Variants in MCPH1 observed in about 807,000 individuals in gnomAD.
The protein encoded by MCPH1 is microcephalin.
Under a neutral mutation model 84.5 loss-of-function variants are expected in MCPH1, and 104 were observed. The ratio of observed to expected loss-of-function variants is 1.23; its 90% CI spans 1.05 to 1.45. The LOEUF is 1.45. Ranked by LOEUF, MCPH1 falls within the 40% of genes most tolerant of loss-of-function variation. The probability of loss-of-function intolerance (pLI) is 0.00; values close to 1 mark genes in which losing one functional copy is unlikely to be tolerated. For missense variants in MCPH1, 1,498 were observed against 1,005.7 expected, an observed-to-expected ratio of 1.49 and a Z score of -6.62; for synonymous variants, 514 against 366.8, an observed-to-expected ratio of 1.40 and a Z score of -4.58.
chr8:6,469,693 G>C (rs1807459497), intron 9 of MCPH1, among the ~76,000 whole-genome samples: 1 of 152,126 alleles, frequency 6.6e-6, no homozygotes. Context: ...AGATTTCAAA[G>C]AATGTTTTGT....
At chr8:6,468,996 C>T (rs995631583) in intron 9 of MCPH1, among the ~76,000 whole-genome samples, 1 of 152,036 alleles carries the variant, frequency 6.6e-6, no homozygotes, top group Non-Finnish European at 1.5e-5. Context: ...CAAGACCAGC[C>T]TGGGCAAAGG....
chr8:6,641,165 T>A (rs1430270263), intron 13 of MCPH1, among the ~76,000 whole-genome samples: 1 of 152,232 alleles, frequency 6.6e-6, no homozygotes, highest in Non-Finnish European at 1.5e-5. Context: ...ATTTTTGGAT[T>A]ACATTGAATT....
At position 6,646,286 on chromosome 8, in the gene MCPH1, C is replaced by A. The variant is rs1171942857; in HGVS notation, c.*3237C>A. On this transcript the variant is annotated 3_prime_UTR_variant, in exon 14 of 14. Transcript: ENST00000344683. The stretch of plus-strand genomic sequence containing the variant: ...CTAGAAATACAAAAAATTAGCCAGG[C>A]ATGATGGCACACACCTGTAATCTCA... The A allele has an allele frequency of 6.6e-6, 1 of 152,096 alleles. No homozygotes were observed. Among genetic ancestry groups the A allele is most frequent in the Non-Finnish European group, 1.5e-5 (1 of 68,042 alleles). 9.4% of individuals were successfully genotyped at this position (152,096 alleles called of 1,614,324 possible).
intron 3 of MCPH1, among the ~76,000 whole-genome samples, chr8:6,418,866 C>G (rs1799710802): frequency 6.6e-6 from 1 of 152,160 alleles, no homozygotes; most frequent in African/African-American, 2.4e-5. Context: ...AGGCGTGAGC[C>G]ACAGCGCCCG....
intron 12 of MCPH1, among the ~76,000 whole-genome samples, chr8:6,530,934 A>T (rs1178517093): frequency 6.6e-6 from 1 of 152,100 alleles, no homozygotes; most frequent in Admixed American, 6.6e-5. Context: ...GCATTTCTTG[A>T]TCCTTTTTGC....
At chr8:6,478,748 T>C (rs1288925811) in intron 10 of MCPH1, among the ~76,000 whole-genome samples, 1 of 152,194 alleles carries the variant, frequency 6.6e-6, no homozygotes, top group Non-Finnish European at 1.5e-5. Context: ...GTTTTTGTTT[T>C]CTTTTATCAT....
At chr8:6,455,327 C>T in intron 9 of MCPH1, 75 bp downstream of exon 9, 1 of 1,042,420 alleles carries the variant, frequency 9.6e-7, no homozygotes, top group Non-Finnish European at 1.5e-6. Context: ...GTCAATGAAA[C>T]ATAAACCAGT....
chr8:6,646,904 G>A lies in MCPH1; in HGVS notation c.*3855G>A, dbSNP rs1037408414. On this transcript the variant is annotated 3_prime_UTR_variant, in exon 14 of 14. Transcript: ENST00000344683. ...TCATTCTGACCTCAGGTTAGGCAAA[G>A]CTTTCTTAGATATGACACTAAAGGC... 6.6e-6 allele frequency: 1 copy of A among 152,078 alleles called. No homozygotes were observed. Among genetic ancestry groups the A allele is most frequent in the African/African-American group, 2.4e-5 (1 of 41,410 alleles). The allele number at this position is 152,078 out of a possible 1,614,324, so 9.4% of individuals were successfully genotyped here.
intron 12 of MCPH1, among the ~76,000 whole-genome samples, chr8:6,505,332 TAG>T (rs1813244364): frequency 1.8e-5 from 1 of 56,956 alleles, no homozygotes; most frequent in African/African-American, 1.1e-4. Flanking sequence ...TATATACATA[TAG>T]AAAGAATATA....
At chr8:6,629,953 G>T (rs1586872124) in intron 13 of MCPH1, among the ~76,000 whole-genome samples, 1 of 152,222 alleles carries the variant, frequency 6.6e-6, no homozygotes, top group African/African-American at 2.4e-5. Flanking sequence ...GACTGTTGTG[G>T]TCTCAGACTG....
In MCPH1 at chr8:6,643,028, A is replaced by C. The variant is rs587783740; in HGVS notation, c.2487A>C (p.Glu829Asp). ...CCCAGCACAAGGTCTGTGCCCCTGAAAACTACCTATTGTCACAATGACAGT... is the reference window on the plus strand; with the variant it reads ...CCCAGCACAAGGTCTGTGCCCCTGACAACTACCTATTGTCACAATGACAGT... ...SITQHKVCAP[E>D]NYLLSQ Residue 829 changes from glutamate (E) to aspartate (D), a missense_variant, in exon 14 of 14, where the codon GAA becomes GAC. Transcript: ENST00000344683. 9.4e-5 allele frequency: 152 copies of C among 1,613,982 alleles called. 3 individuals are homozygous for C. In the South Asian group the frequency reaches 1.7e-3, roughly 18 times the overall value.
intron 9 of MCPH1, among the ~76,000 whole-genome samples, chr8:6,465,034 T>C (rs1212366626): frequency 6.6e-6 from 1 of 151,926 alleles, no homozygotes; most frequent in African/African-American, 2.4e-5. Context: ...CTGGTAGGCA[T>C]TCTATGCACT....
intron 12 of MCPH1, among the ~76,000 whole-genome samples, chr8:6,542,992 A>G (rs886187667): frequency 1.1e-4 from 16 of 152,264 alleles, no homozygotes; most frequent in African/African-American, 3.9e-4. Flanking sequence ...TCTGTTTTAA[A>G]AAGGGAGAGG....
intron 3 of MCPH1, among the ~76,000 whole-genome samples, chr8:6,424,860 G>T (rs548716932): frequency 6.6e-6 from 1 of 152,234 alleles, no homozygotes; most frequent in African/African-American, 2.4e-5. Context: ...AGGGACACAC[G>T]TGAAGGATAG....
At chr8:6,642,470 G>C (rs1013935383) in intron 13 of MCPH1, among the ~76,000 whole-genome samples, 2 of 152,144 alleles carry the variant, frequency 1.3e-5, no homozygotes, top group Non-Finnish European at 2.9e-5. Context: ...TTTAATTTGA[G>C]CTATGAAGAA....
chr8:6,542,475 T>C lies in MCPH1; in HGVS notation c.2214+42546T>C, dbSNP rs532091195. ...CCCTGTAATATTGTCGGAGTGTCAC[T>C]GTAAGAGGGACGCTAGCGCCTGGGT... On this transcript the variant is annotated intron_variant, in intron 12 of 13. Coordinates refer to ENST00000344683, the MANE Select transcript of MCPH1 (RefSeq NM_024596.5). Among the ~76,000 whole-genome samples the C allele has an allele frequency of 6.6e-4, 100 of 152,184 alleles. No individual in the cohort carries two copies. The South Asian group carries it at 0.013, about 20-fold the overall frequency.
At chr8:6,527,861 A>G (rs1818639080) in intron 12 of MCPH1, among the ~76,000 whole-genome samples, 1 of 149,770 alleles carries the variant, frequency 6.7e-6, no homozygotes, top group South Asian at 2.1e-4. Flanking sequence ...ATCACATCTG[A>G]GTGTGTTAAA....
At chr8:6,606,830 G>T (rs954890134) in intron 12 of MCPH1, among the ~76,000 whole-genome samples, 1 of 152,190 alleles carries the variant, frequency 6.6e-6, no homozygotes, top group South Asian at 2.1e-4. Context: ...AGTGTCATAA[G>T]AGCTGATGGT....
In MCPH1 at chr8:6,645,939, G is replaced by A. The variant is rs1189904726; in HGVS notation, c.*2890G>A. ...AAGATGCAATATTGTTAAGATGATA[G>A]TCCTCAAATTGACGTATAGATTCAA... On this transcript the variant is annotated 3_prime_UTR_variant, in exon 14 of 14. Coordinates refer to ENST00000344683, the MANE Select transcript of MCPH1 (RefSeq NM_024596.5). 6.6e-6 allele frequency: 1 copy of A among 152,158 alleles called. No homozygotes were observed. Among genetic ancestry groups the A allele is most frequent in the East Asian group, 1.9e-4 (1 of 5,202 alleles). The allele number at this position is 152,158 out of a possible 1,614,324, so 9.4% of individuals were successfully genotyped here. A position where few individuals can be genotyped will look rare whatever the true frequency, so the allele number is the denominator to read the frequency against.
Sources: allele counts gnomAD v4.1 joint callset (sites outside exome capture counted in the v4.1 genomes callset), GRCh38; gene constraint gnomAD v4.1.1; transcripts MANE v1.5; gene names NCBI Gene and HGNC (gene_info 2026-07-23, HGNC 2026-07-21).